NCAM2: variants seen among roughly 807,000 people sequenced by gnomAD.
The protein encoded by NCAM2 is N-CAM-2.
A neutral mutation model predicts 98.1 loss-of-function variants in NCAM2; 30 were observed. The ratio of observed to expected loss-of-function variants is 0.31; its 90% CI spans 0.23 to 0.41. The LOEUF (loss-of-function observed/expected upper bound fraction) is 0.41, where lower values mean the gene tolerates loss of function less well. Among genes scored for constraint, NCAM2 ranks in the 10% least tolerant of loss-of-function variants. The pLI, the probability that NCAM2 is intolerant of heterozygous loss-of-function variation, is 1.00. For synonymous variants in NCAM2, 368 were observed against 342.4 expected, an observed-to-expected ratio of 1.07 and a Z score of -0.83; for missense variants, 867 against 1,005.8, an observed-to-expected ratio of 0.86 and a Z score of 1.87.
chr21:21,094,886 C>A (rs1448329302), intron 1 of NCAM2, among the ~76,000 whole-genome samples: 3 of 151,638 alleles, frequency 2.0e-5, no homozygotes, highest in African/African-American at 7.2e-5. Flanking sequence ...ACAATCAGTG[C>A]ATAATGAAGA....
At chr21:21,518,342 T>C (rs887612771) in intron 16 of NCAM2, among the ~76,000 whole-genome samples, 2 of 152,166 alleles carry the variant, frequency 1.3e-5, no homozygotes, top group African/African-American at 4.8e-5. Context: ...AAATGCAAAC[T>C]GCATATTTAT....
At chr21:21,039,859 A>C (rs2064868949) in intron 1 of NCAM2, among the ~76,000 whole-genome samples, 3 of 152,156 alleles carry the variant, frequency 2.0e-5, no homozygotes, top group Non-Finnish European at 4.4e-5. Flanking sequence ...ATCATAAATC[A>C]GCACTTGTCA....
intron 15 of NCAM2, among the ~76,000 whole-genome samples, chr21:21,507,823 CA>C (rs1988089193): frequency 6.7e-6 from 1 of 150,122 alleles, no homozygotes; most frequent in African/African-American, 2.4e-5. Context: ...AACTGTTATG[CA>C]AGCTAATTCT....
rs142446551 is a variant in NCAM2 at position 21,405,935 on chromosome 21, A to C, written c.1196-4339A>C. ...AAATTAACTGTAGCTTTTTATTTTA[A>C]CTCTCATATTTCAAATATACAAATT... is the stretch of plus-strand genomic sequence containing the variant. On this transcript the variant is annotated intron_variant, in intron 9 of 17. Coordinates refer to ENST00000400546, the MANE Select transcript of NCAM2 (RefSeq NM_004540.5). 5.3e-3 allele frequency among the ~76,000 whole-genome samples: 805 copies of C among 152,182 alleles called. 4 individuals carry two copies. Among genetic ancestry groups the C allele is most frequent in the Non-Finnish European group, 8.9e-3 (608 of 67,986 alleles).
chr21:21,264,188 A>G lies in NCAM2; in HGVS notation c.56-16390A>G, dbSNP rs949848462. Among the ~76,000 whole-genome samples, 17 of 152,106 alleles carry G rather than the reference A, an allele frequency of 1.1e-4. No individual in the cohort carries two copies. The East Asian group carries it at 1.5e-3, about 14-fold the overall frequency. ...CCCTGTTAAAAACTGGGCACAGGAAATGAACAGATACCTCTTAAAAGAAGA... is the reference window on the plus strand; with the variant it reads ...CCCTGTTAAAAACTGGGCACAGGAAGTGAACAGATACCTCTTAAAAGAAGA... On this transcript the variant is annotated intron_variant, in intron 1 of 17. Transcript: ENST00000400546.
chr21:21,499,048 G>A (rs1037100044), intron 15 of NCAM2, among the ~76,000 whole-genome samples: 1 of 152,082 alleles, frequency 6.6e-6, no homozygotes, highest in East Asian at 1.9e-4. Context: ...ATTTTATAGT[G>A]TCAATTAGGA....
At chr21:21,365,449 G>A (rs2075761912) in intron 8 of NCAM2, among the ~76,000 whole-genome samples, 1 of 151,846 alleles carries the variant, frequency 6.6e-6, no homozygotes, top group African/African-American at 2.4e-5. Flanking sequence ...AAGAGAGACT[G>A]GACATACATA....
chr21:21,266,196 T>C (rs1402416426), intron 1 of NCAM2, among the ~76,000 whole-genome samples: 2 of 152,046 alleles, frequency 1.3e-5, no homozygotes, highest in African/African-American at 2.4e-5. Flanking sequence ...GGGATGACAG[T>C]GGGGAGTAGA....
chr21:21,106,315 A>C (rs1601385390), intron 1 of NCAM2, among the ~76,000 whole-genome samples: 1 of 11,350 alleles, frequency 8.8e-5, no homozygotes, highest in Admixed American at 9.5e-4. Flanking sequence ...TCTCAAAAGC[A>C]AAAAAAAAAA....
At chr21:21,370,789 C>A (rs994799727) in intron 8 of NCAM2, among the ~76,000 whole-genome samples, 2 of 151,798 alleles carry the variant, frequency 1.3e-5, no homozygotes, top group African/African-American at 4.8e-5. Context: ...GAAATACTAG[C>A]CTCAGCCTCA....
At chr21:21,088,565 A>C (rs2065947642) in intron 1 of NCAM2, among the ~76,000 whole-genome samples, 1 of 152,192 alleles carries the variant, frequency 6.6e-6, no homozygotes, top group Admixed American at 6.5e-5. Flanking sequence ...TGTTGCATGC[A>C]GACAAATTTC....
chr21:21,463,955 G>A (rs908377703), intron 12 of NCAM2: 53 of 151,932 alleles, frequency 3.5e-4, no homozygotes, highest in African/African-American at 1.2e-3. Flanking sequence ...TGGTACTTTG[G>A]TAGCTCTGCT....
At chr21:21,415,517 AG>A (rs1402250755) in intron 10 of NCAM2, among the ~76,000 whole-genome samples, 2 of 151,212 alleles carry the variant, frequency 1.3e-5, no homozygotes, top group Non-Finnish European at 3.0e-5. Flanking sequence ...TTGTACTTTT[AG>A]TAGAGACAGG....
At position 21,369,543 on chromosome 21, in the gene NCAM2, A is replaced by G. The variant is rs553128402; in HGVS notation, c.1045-4320A>G. 1.4e-3 allele frequency among the ~76,000 whole-genome samples: 210 copies of G among 152,026 alleles called. 3 individuals carry two copies. Among genetic ancestry groups the G allele is most frequent in the Middle Eastern group, 3.4e-3 (1 of 294 alleles). ...AACTGTCAAACATTTTATACAAAAC[A>G]TCTGCACCATTTTACATTCCCACTC... On this transcript the variant is annotated intron_variant, in intron 8 of 17. Coordinates refer to ENST00000400546, the MANE Select transcript of NCAM2 (RefSeq NM_004540.5).
At chr21:21,407,906 G>A (rs2076775484) in intron 9 of NCAM2, among the ~76,000 whole-genome samples, 2 of 152,040 alleles carry the variant, frequency 1.3e-5, no homozygotes, top group South Asian at 4.1e-4. Context: ...TCTTATAGTT[G>A]TTCCTTTAAT....
intron 1 of NCAM2, among the ~76,000 whole-genome samples, chr21:21,040,883 G>T (rs887975744): frequency 4.6e-5 from 7 of 152,076 alleles, no homozygotes; most frequent in African/African-American, 1.7e-4. Context: ...TAGTTAACAA[G>T]AATTTATTGT....
At chr21:21,072,682 G>T (rs2146370525) in intron 1 of NCAM2, among the ~76,000 whole-genome samples, 1 of 152,150 alleles carries the variant, frequency 6.6e-6, no homozygotes, top group East Asian at 1.9e-4. Context: ...ACAAATTGTT[G>T]AGTGCCCATT....
intron 9 of NCAM2, among the ~76,000 whole-genome samples, chr21:21,387,176 GCACACACACATACACACACA>G (rs71322054): frequency 0.25 from 30,844 of 125,418 alleles, 3,389 homozygotes; most frequent in East Asian, 0.3. Context: ...TACTTGGTGC[GCACACACACATACACACACA>G]CACACACACA....
intron 1 of NCAM2, 95 bp downstream of exon 1, chr21:20,998,713 G>T: frequency 8.4e-7 from 1 of 1,187,924 alleles, no homozygotes; most frequent in South Asian, 1.3e-5. Context: ...TGAAATGAAA[G>T]AACTAAAGTT....
Sources: gnomAD v4.1 joint callset for allele counts (sites outside exome capture counted in the v4.1 genomes callset) on GRCh38, gnomAD v4.1.1 for gene constraint, MANE v1.5 for transcripts, NCBI Gene and HGNC (gene_info 2026-07-23, HGNC 2026-07-21) for gene names.